The following CSNK1G3 variants were observed in gnomAD, a reference collection of about 807,000 sequenced individuals.
CSNK1G3 encodes the protein casein kinase I isoform gamma-3.
Under a neutral mutation model 64.3 loss-of-function variants are expected in CSNK1G3, and 23 were observed. The observed-to-expected ratio is 0.36, with a 90% CI of 0.26 to 0.51. The LOEUF (loss-of-function observed/expected upper bound fraction) is 0.51, where lower values mean the gene tolerates loss of function less well. Among genes scored for constraint, CSNK1G3 ranks in the 20% least tolerant of loss-of-function variants. CSNK1G3 has a pLI of 0.96. For missense variants in CSNK1G3, 357 were observed against 510.5 expected (o/e 0.70, Z 2.90); for synonymous variants, 158 against 162.2 (o/e 0.97, Z 0.20).
intron 1 of CSNK1G3, among the ~76,000 whole-genome samples, chr5:123,520,064 A>T (rs1777830550): frequency 6.6e-6 from 1 of 152,216 alleles, no homozygotes; most frequent in Admixed American, 6.5e-5. Flanking sequence ...TGCCTCAAGC[A>T]GTCAACAACA....
Position 123,553,166 on chromosome 5 carries a change from A to G in CSNK1G3, c.219+19A>G. ...TAAGTTGGTAAGTTCCTGTTTCTTAATTTTTCTTAATGATTTCTTTGTTAC... is the reference window on the plus strand; with the variant it reads ...TAAGTTGGTAAGTTCCTGTTTCTTAGTTTTTCTTAATGATTTCTTTGTTAC... On this transcript the variant is annotated intron_variant, in intron 3 of 12. Coordinates refer to ENST00000345990, the Ensembl canonical transcript of CSNK1G3. 2 of 1,251,164 alleles carry G rather than the reference A, an allele frequency of 1.6e-6. No individual in the cohort carries two copies. Among genetic ancestry groups the G allele is most frequent in the Non-Finnish European group, 2.2e-6 (2 of 910,368 alleles). The allele number at this position is 1,251,164 out of a possible 1,614,324, so 77.5% of individuals were successfully genotyped here. A position where few individuals can be genotyped will look rare whatever the true frequency, so the allele number is the denominator to read the frequency against.
chr5:123,562,533 A>G (rs1029516150), intron 4 of CSNK1G3, among the ~76,000 whole-genome samples: 2 of 152,030 alleles, frequency 1.3e-5, no homozygotes, highest in African/African-American at 2.4e-5. Flanking sequence ...CAAATTTCCT[A>G]TATTTTCTAA....
intron 10 of CSNK1G3, among the ~76,000 whole-genome samples, chr5:123,602,277 A>G (rs1444274723): frequency 3.3e-5 from 5 of 152,178 alleles, no homozygotes; most frequent in Non-Finnish European, 5.9e-5. Context: ...AATTTCTACA[A>G]TTCCTAAGTT....
At chr5:123,562,362 C>T (rs896031059) in intron 4 of CSNK1G3, among the ~76,000 whole-genome samples, 1 of 152,012 alleles carries the variant, frequency 6.6e-6, no homozygotes, top group African/African-American at 2.4e-5. Flanking sequence ...GAATTTTGAA[C>T]TCTTTGAGGG....
intron 4 of CSNK1G3, among the ~76,000 whole-genome samples, chr5:123,561,999 C>A (rs752963951): frequency 6.6e-6 from 1 of 152,216 alleles, no homozygotes; most frequent in Admixed American, 6.5e-5. Context: ...AATATCTCAA[C>A]CAGCTTTTTA....
In CSNK1G3 at chr5:123,520,100, G is replaced by T. The variant is rs1233575161; in HGVS notation, c.-248+7530G>T. On this transcript the variant is annotated intron_variant, in intron 1 of 12. Coordinates refer to ENST00000345990, the Ensembl canonical transcript of CSNK1G3. The stretch of plus-strand genomic sequence containing the variant: ...ATGACAACATCACACAGAAAGACAG[G>T]CAGACACACACACATGGAATAATCT... Among the ~76,000 whole-genome samples, 5 of 152,084 alleles carry T rather than the reference G, an allele frequency of 3.3e-5. No individual in the cohort carries two copies. In the South Asian group the frequency reaches 6.2e-4, roughly 19 times the overall value.
intron 12 of CSNK1G3, among the ~76,000 whole-genome samples, chr5:123,612,678 A>G (rs1796546062): frequency 6.6e-6 from 1 of 152,012 alleles, no homozygotes. Context: ...GGGTTTTACC[A>G]TGTTGGTCAG....
chr5:123,578,090 G>C (rs555794627), intron 6 of CSNK1G3, among the ~76,000 whole-genome samples: 1 of 151,800 alleles, frequency 6.6e-6, no homozygotes, highest in African/African-American at 2.4e-5. Flanking sequence ...ATCACAAACT[G>C]CTTATCCATT....
At position 123,589,581 on chromosome 5, in the gene CSNK1G3, C is replaced by T. The variant is rs567455426; in HGVS notation, c.845-832C>T. Among the ~76,000 whole-genome samples the T allele has an allele frequency of 2.0e-5, 3 of 152,116 alleles. No individual in the cohort carries two copies. In the East Asian group the frequency reaches 5.8e-4, roughly 29 times the overall value. ...ATCTTTTTCCTGTTGGCTGGGGCTG[C>T]CTGTGAATGCTAGGTGTAACTTACC... On this transcript the variant is annotated intron_variant, in intron 8 of 12. Coordinates refer to ENST00000345990, the Ensembl canonical transcript of CSNK1G3.
chr5:123,537,432 G>C (rs923334677), intron 1 of CSNK1G3, among the ~76,000 whole-genome samples: 1 of 151,932 alleles, frequency 6.6e-6, no homozygotes, highest in African/African-American at 2.4e-5. Flanking sequence ...GGAAGGGTGA[G>C]GGGGTGGGAG....
chr5:123,554,643 A>G (rs753247356), intron 3 of CSNK1G3, among the ~76,000 whole-genome samples: 1 of 152,214 alleles, frequency 6.6e-6, no homozygotes, highest in African/African-American at 2.4e-5. Context: ...TTGTTTGAAC[A>G]GGCATTGCTG....
At chr5:123,601,218 AGT>A (rs1794440336) in intron 10 of CSNK1G3, among the ~76,000 whole-genome samples, 2 of 152,172 alleles carry the variant, frequency 1.3e-5, no homozygotes, top group Admixed American at 6.6e-5. Flanking sequence ...GCCTTCCAGG[AGT>A]ATAATGATAT....
At chr5:123,558,103 G>A (rs1784964726) in intron 4 of CSNK1G3, among the ~76,000 whole-genome samples, 1 of 152,164 alleles carries the variant, frequency 6.6e-6, no homozygotes, top group African/African-American at 2.4e-5. Flanking sequence ...GAGGCTTCTA[G>A]TACTTTCGCC....
chr5:123,557,217 G>C (rs1009827470), intron 3 of CSNK1G3, among the ~76,000 whole-genome samples: 9 of 152,110 alleles, frequency 5.9e-5, no homozygotes, highest in Admixed American at 2.6e-4. Context: ...CTCTAGTGAT[G>C]AATGTTCAGA....
At chr5:123,555,096 C>G (rs1468482532) in intron 3 of CSNK1G3, among the ~76,000 whole-genome samples, 1 of 152,144 alleles carries the variant, frequency 6.6e-6, no homozygotes, top group Non-Finnish European at 1.5e-5. Flanking sequence ...GTTTTCTCCC[C>G]TTTTTAGGGG....
At chr5:123,548,681 G>C (rs927710242) in intron 2 of CSNK1G3, among the ~76,000 whole-genome samples, 1 of 151,732 alleles carries the variant, frequency 6.6e-6, no homozygotes, top group Non-Finnish European at 1.5e-5. Flanking sequence ...GAAGACAGGA[G>C]GATAGCTTGA....
At chr5:123,611,226 G>C (rs143971931) in intron 12 of CSNK1G3, among the ~76,000 whole-genome samples, 21 of 152,262 alleles carry the variant, frequency 1.4e-4, no homozygotes, top group African/African-American at 4.8e-4. Context: ...ACTTCTGTAA[G>C]TATATCGTAT....
At chr5:123,610,721 A>G (rs1041311084) in intron 12 of CSNK1G3, among the ~76,000 whole-genome samples, 4 of 152,182 alleles carry the variant, frequency 2.6e-5, no homozygotes, top group African/African-American at 9.7e-5. Context: ...GTAGAGATGT[A>G]GCTTCACATT....
At chr5:123,551,661 A>G (rs1323272783) in intron 2 of CSNK1G3, among the ~76,000 whole-genome samples, 6 of 152,286 alleles carry the variant, frequency 3.9e-5, no homozygotes, top group East Asian at 1.9e-4. Context: ...AAGTTTTGCT[A>G]CTGTTCATCA....
Sources: gnomAD v4.1 joint callset for allele counts (sites outside exome capture counted in the v4.1 genomes callset) on GRCh38, gnomAD v4.1.1 for gene constraint, MANE v1.5 for transcripts, NCBI Gene and HGNC (gene_info 2026-07-23, HGNC 2026-07-21) for gene names.